The following WWOX variants were observed in gnomAD, a reference collection of about 807,000 sequenced individuals.
WWOX encodes the protein WW domain containing oxidoreductase, also known as WW domain-containing oxidoreductase.
In WWOX, 69 loss-of-function variants were observed where a neutral mutation model predicts 46.2. The ratio of observed to expected loss-of-function variants is 1.49; its 90% CI spans 1.23 to 1.82. WWOX has a LOEUF of 1.82. Ranked by LOEUF, WWOX falls within the 40% of genes most tolerant of loss-of-function variation. The pLI, the probability that WWOX is intolerant of heterozygous loss-of-function variation, is 0.00. For missense variants in WWOX, 919 were observed against 542.6 expected (o/e 1.69, Z -6.89); for synonymous variants, 359 against 202.6 (o/e 1.77, Z -6.56).
chr16:78,684,194 A>G (rs2047801785), intron 8 of WWOX, among the ~76,000 whole-genome samples: 1 of 152,192 alleles, frequency 6.6e-6, no homozygotes, highest in Non-Finnish European at 1.5e-5. Flanking sequence ...ATCCACTGGC[A>G]TGAGTCATCT....
rs377253456 is a variant in WWOX at position 78,856,841 on chromosome 16, C to T, written c.1057-354767C>T. The stretch of plus-strand genomic sequence containing the variant: ...GGAGGTTGTGTTCTGAGAAATGCTT[C>T]GTTAGGCCATTTTGTCATTGTGCCA... On this transcript the variant is annotated intron_variant, in intron 8 of 8. Coordinates refer to ENST00000566780, the MANE Select transcript of WWOX (RefSeq NM_016373.4). Among the ~76,000 whole-genome samples, 42 of 152,242 alleles carry T rather than the reference C, an allele frequency of 2.8e-4. No individual in the cohort carries two copies. In the East Asian group the frequency reaches 4.1e-3, roughly 15 times the overall value.
intron 8 of WWOX, among the ~76,000 whole-genome samples, chr16:79,042,053 A>G (rs1019210281): frequency 5.3e-5 from 8 of 152,098 alleles, no homozygotes; most frequent in African/African-American, 1.9e-4. Context: ...TTTTGGAGGG[A>G]AACTGATTAA....
At chr16:78,727,829 C>T (rs1396602014) in intron 8 of WWOX, among the ~76,000 whole-genome samples, 4 of 151,972 alleles carry the variant, frequency 2.6e-5, no homozygotes, top group Admixed American at 1.3e-4. Flanking sequence ...GCCTGCCTTG[C>T]TCTACATCAG....
At chr16:78,811,095 C>A (rs904137578) in intron 8 of WWOX, among the ~76,000 whole-genome samples, 8 of 152,140 alleles carry the variant, frequency 5.3e-5, no homozygotes, top group Non-Finnish European at 1.2e-4. Flanking sequence ...CTCTTCTCGT[C>A]TGGATTTTAG....
intron 8 of WWOX, among the ~76,000 whole-genome samples, chr16:78,684,999 T>A (rs2047822034): frequency 6.6e-6 from 1 of 152,214 alleles, no homozygotes; most frequent in South Asian, 2.1e-4. Flanking sequence ...AATGTGATTT[T>A]TATTCTGGGG....
chr16:78,741,691 C>G (rs1462692381), intron 8 of WWOX, among the ~76,000 whole-genome samples: 3 of 151,854 alleles, frequency 2.0e-5, no homozygotes. Context: ...CCTGTCTATA[C>G]TAAAAATACA....
intron 8 of WWOX, among the ~76,000 whole-genome samples, chr16:78,650,396 C>G (rs538423090): frequency 6.6e-6 from 1 of 152,102 alleles, no homozygotes. Flanking sequence ...CAAATGAATA[C>G]AGATTCATTT....
chr16:79,128,339 TA>T (rs5818202), intron 8 of WWOX, among the ~76,000 whole-genome samples: 97,130 of 148,050 alleles, frequency 0.66, 31,689 homozygotes, highest in African/African-American at 0.73. Context: ...AGCTAAGAGT[TA>T]AAAAAAAAAT....
chr16:78,772,430 A>T (rs1266477100), intron 8 of WWOX, among the ~76,000 whole-genome samples: 1 of 151,934 alleles, frequency 6.6e-6, no homozygotes, highest in Non-Finnish European at 1.5e-5. Flanking sequence ...TTTTTTTTTA[A>T]TCCAATCTGT....
intron 8 of WWOX, among the ~76,000 whole-genome samples, chr16:79,175,011 G>T (rs563370948): frequency 9.9e-5 from 15 of 152,072 alleles, no homozygotes; most frequent in Non-Finnish European, 2.1e-4. Flanking sequence ...TCAGCATACC[G>T]TGTCTTATTA....
chr16:78,295,514 C>A (rs1946909965), intron 5 of WWOX, among the ~76,000 whole-genome samples: 1 of 152,154 alleles, frequency 6.6e-6, no homozygotes, highest in Non-Finnish European at 1.5e-5. Flanking sequence ...GAGTTCAAGA[C>A]CAGCCTGGCC....
At chr16:78,995,995 A>C (rs2046980942) in intron 8 of WWOX, among the ~76,000 whole-genome samples, 1 of 152,230 alleles carries the variant, frequency 6.6e-6, no homozygotes, top group African/African-American at 2.4e-5. Flanking sequence ...TTGGAGTTAA[A>C]GGGTGGCTTT....
intron 5 of WWOX, among the ~76,000 whole-genome samples, chr16:78,249,632 CAGTGCA>C (rs2037926243): frequency 6.6e-6 from 1 of 152,156 alleles, no homozygotes; most frequent in African/African-American, 2.4e-5. Context: ...GGCTACCCAA[CAGTGCA>C]AGTGGGGAGA....
chr16:78,718,852 G>C (rs553727080), intron 8 of WWOX, among the ~76,000 whole-genome samples: 2 of 152,282 alleles, frequency 1.3e-5, no homozygotes, highest in African/African-American at 2.4e-5. Flanking sequence ...TAAAGGCATG[G>C]ATGTGACTGA....
chr16:78,942,040 G>A (rs189608367), intron 8 of WWOX, among the ~76,000 whole-genome samples: 5 of 152,204 alleles, frequency 3.3e-5, no homozygotes, highest in East Asian at 1.9e-4. Flanking sequence ...TCTCTACCTC[G>A]CCTGGTCTAG....
At chr16:78,575,060 T>TAA (rs2044837607) in intron 8 of WWOX, among the ~76,000 whole-genome samples, 1 of 18,430 alleles carries the variant, frequency 5.4e-5, no homozygotes, top group African/African-American at 1.7e-4. Context: ...TATATATATA[T>TAA]ATATATATAT....
chr16:78,668,475 A>G (rs2047384947), intron 8 of WWOX, among the ~76,000 whole-genome samples: 1 of 152,164 alleles, frequency 6.6e-6, no homozygotes, highest in Admixed American at 6.5e-5. Flanking sequence ...ATCATTCATT[A>G]TATTCTTACT....
chr16:79,114,281 T>C (rs1331799169), intron 8 of WWOX, among the ~76,000 whole-genome samples: 1 of 152,002 alleles, frequency 6.6e-6, no homozygotes, highest in East Asian at 1.9e-4. Flanking sequence ...ATCAAATTAA[T>C]GTGAGATCTG....
chr16:78,373,011 A>C lies in WWOX; in HGVS notation c.517-13849A>C, dbSNP rs189492928. ...TCAAAGACTTTTGCAGGCTTATTTT[A>C]TGCTTTTTGGACTCCAGAATCAATT... On this transcript the variant is annotated intron_variant, in intron 5 of 8. Coordinates refer to ENST00000566780, the MANE Select transcript of WWOX (RefSeq NM_016373.4). Among the ~76,000 whole-genome samples, 833 of 152,270 alleles carry C rather than the reference A, an allele frequency of 5.5e-3. 6 individuals are homozygous for C. Among genetic ancestry groups the C allele is most frequent in the Middle Eastern group, 0.01 (3 of 294 alleles).
Sources: allele counts gnomAD v4.1 joint callset (sites outside exome capture counted in the v4.1 genomes callset), GRCh38; gene constraint gnomAD v4.1.1; transcripts MANE v1.5; gene names NCBI Gene and HGNC (gene_info 2026-07-23, HGNC 2026-07-21).